The following LPAR5 variants were observed in gnomAD, a reference collection of about 807,000 sequenced individuals.
LPAR5 encodes the protein G protein-coupled receptor 92.
For missense variants in LPAR5, 544 were observed against 521.8 expected (o/e 1.04, Z -0.41); for synonymous variants, 271 against 261.6 (o/e 1.04, Z -0.35).
Position 6,622,465 on chromosome 12 carries a change from A to T in LPAR5, c.-216-1001T>A, listed in dbSNP as rs1192387819. On this transcript the variant is annotated intron_variant, in intron 1 of 1. Coordinates refer to ENST00000329858, the MANE Select transcript of LPAR5 (RefSeq NM_020400.6). ...ATAAAATAAAATAAAAAATAAAAAT[A>T]AGGCTGGGCGTGGTGGCTCACATCT... Among the ~76,000 whole-genome samples the T allele has an allele frequency of 2.7e-5, 4 of 150,156 alleles. No homozygotes were observed. The East Asian group carries it at 7.9e-4, about 30-fold the overall frequency.
At chr12:6,622,965 G>A (rs544627090) in intron 1 of LPAR5, among the ~76,000 whole-genome samples, 4 of 151,652 alleles carry the variant, frequency 2.6e-5, no homozygotes, top group East Asian at 2.0e-4. Context: ...CAGGGCCGGC[G>A]TAGTGGCCCA....
intron 1 of LPAR5, among the ~76,000 whole-genome samples, chr12:6,634,198 G>T (rs1303745485): frequency 6.6e-6 from 1 of 151,996 alleles, no homozygotes; most frequent in Non-Finnish European, 1.5e-5. Flanking sequence ...TAGAGACGGG[G>T]GTTTCACCAT....
rs1948875563 is a variant in LPAR5 at position 6,620,134 on chromosome 12, A to G, written c.1115T>C (p.Leu372Pro). Residue 372 changes from leucine to proline, a missense_variant, in exon 2 of 2, where the codon CTC (leucine) becomes CCC (proline). Leu to Pro is a moderately conservative substitution (Grantham distance 98). Coordinates refer to ENST00000329858, the MANE Select transcript of LPAR5 (RefSeq NM_020400.6). This position sits in a 1 kb window ranked among gnomAD's most constrained non-coding sequence, Gnocchi z 6.8. ...SFTQCPQDSA[L>P] ...ACAGCGCAATGGCATGTGTGTTCAGAGGGCGGAATCCTGGGGACACTGTGT... is the reference window on the plus strand; with the variant it reads ...ACAGCGCAATGGCATGTGTGTTCAGGGGGCGGAATCCTGGGGACACTGTGT... 1.2e-6 allele frequency: 2 copies of G among 1,613,688 alleles called. No individual in the cohort carries two copies. Among genetic ancestry groups the G allele is most frequent in the Non-Finnish European group, 1.7e-6 (2 of 1,179,874 alleles).
Position 6,619,641 on chromosome 12 carries a change from C to T in LPAR5, c.*489G>A, listed in dbSNP as rs909050841. The T allele has an allele frequency of 6.3e-6, 2 of 317,484 alleles. No individual in the cohort carries two copies. Among genetic ancestry groups the T allele is most frequent in the Admixed American group, 8.1e-5 (2 of 24,826 alleles). The allele number at this position is 317,484 out of a possible 1,614,324, so 19.7% of individuals were successfully genotyped here. A position where few individuals can be genotyped will look rare whatever the true frequency, so the allele number is the denominator to read the frequency against. ...TCTTGTATTAGGCCTCAGTGGTGAG[C>T]AGGGGAAGCCTAGGCCGAAATGAAA... is the stretch of plus-strand genomic sequence containing the variant. On this transcript the variant is annotated 3_prime_UTR_variant, in exon 2 of 2. Coordinates refer to ENST00000329858, the MANE Select transcript of LPAR5 (RefSeq NM_020400.6).
intron 1 of LPAR5, among the ~76,000 whole-genome samples, chr12:6,626,448 C>T (rs1565387365): frequency 6.6e-6 from 1 of 152,160 alleles, no homozygotes; most frequent in Non-Finnish European, 1.5e-5. Context: ...GTTCTCCTTC[C>T]AACCACCACC....
intron 1 of LPAR5, among the ~76,000 whole-genome samples, chr12:6,633,109 G>A (rs1390146563): frequency 6.6e-6 from 1 of 152,206 alleles, no homozygotes; most frequent in East Asian, 1.9e-4. Flanking sequence ...GTGGTCTACA[G>A]CTCAATAACT....
chr12:6,620,477 C>A lies in LPAR5; in HGVS notation c.772G>T (p.Gly258Trp). Residue 258 changes from glycine (G) to tryptophan (W), a missense_variant, in exon 2 of 2, where the codon GGG becomes TGG. Gly to Trp is a radical substitution (Grantham distance 184, BLOSUM62 -2). Coordinates refer to ENST00000329858, the MANE Select transcript of LPAR5 (RefSeq NM_020400.6). This position sits in a 1 kb window ranked among gnomAD's most constrained non-coding sequence, Gnocchi z 6.8. Reference sequence around the variant, plus strand: ...GCCACCAGCTTGCTCCGCAGCAGCCCGTAGACCGCCAGCGTGCTGTTGTAG... The same window carrying A: ...GCCACCAGCTTGCTCCGCAGCAGCCAGTAGACCGCCAGCGTGCTGTTGTAG... The part of the protein sequence containing the change: ...VPYNSTLAVY[G>W]LLRSKLVAAS... The A allele has an allele frequency of 6.3e-7, 1 of 1,588,346 alleles. No individual in the cohort carries two copies. Among genetic ancestry groups the A allele is most frequent in the Non-Finnish European group, 8.6e-7 (1 of 1,167,300 alleles).
chr12:6,628,028 C>CTTTTTTTTTT (rs71067128), intron 1 of LPAR5, among the ~76,000 whole-genome samples: 10 of 134,504 alleles, frequency 7.4e-5, no homozygotes, highest in African/African-American at 8.1e-5. Context: ...TTTCTTTTTT[C>CTTTTTTTTTT]TTTTTTTTTT....
Position 6,620,136 on chromosome 12 carries a change from G to A in LPAR5, c.1113C>T (p.Ala371=), listed in dbSNP as rs1382898144. 1 of 1,613,900 alleles carries A rather than the reference G, an allele frequency of 6.2e-7. No homozygotes were observed. Among genetic ancestry groups the A allele is most frequent in the South Asian group, 1.1e-5 (1 of 91,070 alleles). The change falls in exon 2 of 2, where the codon GCC becomes GCT. Residue 371 remains alanine, a synonymous_variant. Transcript: ENST00000329858. The surrounding 1 kb of genome is among the most constrained non-coding windows in gnomAD (Gnocchi z 6.8). ...AGCGCAATGGCATGTGTGTTCAGAG[G>A]GCGGAATCCTGGGGACACTGTGTGA... ...SSFTQCPQDS[A]L is the part of the protein sequence containing the mutation.
chr12:6,632,513 T>C (rs1948986201), intron 1 of LPAR5, among the ~76,000 whole-genome samples: 1 of 152,142 alleles, frequency 6.6e-6, no homozygotes, highest in Non-Finnish European at 1.5e-5. Flanking sequence ...CTTCCTCTGC[T>C]TCTGTGTTCA....
intron 1 of LPAR5, among the ~76,000 whole-genome samples, chr12:6,629,239 G>T (rs1198542604): frequency 3.3e-5 from 5 of 151,564 alleles, no homozygotes; most frequent in Admixed American, 6.6e-5. Flanking sequence ...AGCCAGGGGT[G>T]GTGGCACACG....
At chr12:6,622,853 T>A (rs1436867303) in intron 1 of LPAR5, among the ~76,000 whole-genome samples, 2 of 151,802 alleles carry the variant, frequency 1.3e-5, no homozygotes, top group African/African-American at 4.8e-5. Context: ...ATCACTTGAC[T>A]CCAGGGAGGT....
chr12:6,619,610 A>AACGG lies in LPAR5; in HGVS notation c.*519_*520insCCGT, dbSNP rs1948869211. 1 of 274,900 alleles carries AACGG rather than the reference A, an allele frequency of 3.6e-6. No individual in the cohort carries two copies. The highest frequency in any genetic ancestry group is 2.2e-5 in the African/African-American group (1 of 45,584). 17.0% of individuals were successfully genotyped at this position (274,900 alleles called of 1,614,324 possible). ...CGAGAAAGAATGTAGTTCTGTCCAT[A>AACGG]GGAACTCTTGTATTAGGCCTCAGTG... On this transcript the variant is annotated 3_prime_UTR_variant, in exon 2 of 2. Transcript: ENST00000329858.
Position 6,619,776 on chromosome 12 carries a change from AGATCCAGAATGCC to A in LPAR5, c.*341_*353del. 2.5e-6 allele frequency: 1 copy of A among 406,098 alleles called. No homozygotes were observed. The allele number at this position is 406,098 out of a possible 1,614,324, so 25.2% of individuals were successfully genotyped here. ...AGCTCTCAGGCCCCTGTGGCGGTTTAGATCCAGAATGCCCATTTTCTGTTCCATCTAACCAGCT... is the reference window on the plus strand; with the variant it reads ...AGCTCTCAGGCCCCTGTGGCGGTTTACATTTTCTGTTCCATCTAACCAGCT... On this transcript the variant is annotated 3_prime_UTR_variant, in exon 2 of 2. Coordinates refer to ENST00000329858, the MANE Select transcript of LPAR5 (RefSeq NM_020400.6).
At position 6,621,376 on chromosome 12, in the gene LPAR5, A is replaced by C; in HGVS notation, c.-128T>G. ...ACATGGTCCCAAAACAAGCAGAGGG[A>C]GGTCATGGGAATGTGGGCTATGGCT... is the stretch of plus-strand genomic sequence containing the variant. On this transcript the variant is annotated 5_prime_UTR_variant, in exon 2 of 2. Coordinates refer to ENST00000329858, the MANE Select transcript of LPAR5 (RefSeq NM_020400.6). 1.1e-6 allele frequency: 1 copy of C among 946,498 alleles called. No individual in the cohort carries two copies. The highest frequency in any genetic ancestry group is 1.4e-6 in the Non-Finnish European group (1 of 691,568). The allele number at this position is 946,498 out of a possible 1,614,324, so 58.6% of individuals were successfully genotyped here. A position where few individuals can be genotyped will look rare whatever the true frequency, so the allele number is the denominator to read the frequency against.
chr12:6,623,637 T>C (rs948385696), intron 1 of LPAR5, among the ~76,000 whole-genome samples: 1 of 152,202 alleles, frequency 6.6e-6, no homozygotes, highest in African/African-American at 2.4e-5. Flanking sequence ...TCTTCCTTCC[T>C]TCTTTCCTTG....
Position 6,620,192 on chromosome 12 carries a change from G to A in LPAR5, c.1057C>T (p.Arg353Ter), listed in dbSNP as rs200192385. 1.9e-6 allele frequency: 3 copies of A among 1,613,216 alleles called. No individual in the cohort carries two copies. The highest frequency in any genetic ancestry group is 2.2e-5 in the East Asian group (1 of 44,850). ...RPDAASQGLL[R>*]PSDSHSLSSF... ...GACAGAGAGTGGGAGTCGGAGGGTCGGAGCAGCCCCTGACTGGCGGCATCC... is the reference window on the plus strand; with the variant it reads ...GACAGAGAGTGGGAGTCGGAGGGTCAGAGCAGCCCCTGACTGGCGGCATCC... The change falls in exon 2 of 2, where the codon CGA (arginine) becomes TGA (stop). Residue 353 changes from arginine to a stop codon, truncating the protein, a stop_gained. Transcript: ENST00000329858. LOFTEE classifies it low-confidence loss of function (END_TRUNC). The surrounding 1 kb of genome is among the most constrained non-coding windows in gnomAD (Gnocchi z 6.8).
At chr12:6,633,530 A>G (rs1948993971) in intron 1 of LPAR5, among the ~76,000 whole-genome samples, 1 of 151,900 alleles carries the variant, frequency 6.6e-6, no homozygotes, top group Non-Finnish European at 1.5e-5. Context: ...CTCCTGCCTC[A>G]GTCTCCCGAG....
chr12:6,620,798 C>A lies in LPAR5; in HGVS notation c.451G>T (p.Val151Leu), dbSNP rs1395748465. 5 of 1,576,032 alleles carry A rather than the reference C, an allele frequency of 3.2e-6. No homozygotes were observed. The East Asian group carries it at 1.1e-4, about 36-fold the overall frequency. ...ACGCGGGCGGCGGGCACGGCAAACA[C>A]CAGGATGAGCGCCCACACGCCCAGG... ...LCLGVWALIL[V>L]FAVPAARVHR... Residue 151 changes from valine to leucine, a missense_variant, in exon 2 of 2, where the codon GTG becomes TTG. Transcript: ENST00000329858. This position sits in a 1 kb window ranked among gnomAD's most constrained non-coding sequence, Gnocchi z 6.8.
Sources: allele counts gnomAD v4.1 joint callset (sites outside exome capture counted in the v4.1 genomes callset), GRCh38; gene constraint gnomAD v4.1.1; non-coding constraint Gnocchi (gnomAD v3.1); transcripts MANE v1.5; gene names NCBI Gene and HGNC (gene_info 2026-07-23, HGNC 2026-07-21).